The following MAMLD1 variants were observed in gnomAD, a reference collection of about 807,000 sequenced individuals.
MAMLD1 encodes the protein mastermind like domain containing 1, also known as mastermind-like domain-containing protein 1.
In MAMLD1, 14 loss-of-function variants were observed where a neutral mutation model predicts 45.0. That is an observed-to-expected ratio of 0.31 (90% CI 0.21 to 0.49). The LOEUF (loss-of-function observed/expected upper bound fraction) is 0.49. Among genes scored for constraint, MAMLD1 ranks in the 20% least tolerant of loss-of-function variants. The pLI, the probability that MAMLD1 is intolerant of heterozygous loss-of-function variation, is 0.99. For synonymous variants in MAMLD1, 254 were observed against 247.8 expected, an observed-to-expected ratio of 1.02 and a Z score of -0.24; for missense variants, 543 against 603.6, an observed-to-expected ratio of 0.90 and a Z score of 1.05.
chrX:150,475,912 G>A (rs1250346752), intron 5 of MAMLD1, among the ~76,000 whole-genome samples: 1 of 111,973 alleles, frequency 8.9e-6, no homozygotes, highest in Non-Finnish European at 1.9e-5. Flanking sequence ...GAACATTTGG[G>A]ACTTTGGGAA....
chrX:150,365,301 C>A (rs2031333884), intron 1 of MAMLD1, among the ~76,000 whole-genome samples: 1 of 111,661 alleles, frequency 9.0e-6, no homozygotes, highest in Admixed American at 9.3e-5. Context: ...GTTTCGAGGA[C>A]CCTCTGTGGG....
Position 150,491,463 on chromosome X carries a change from G to A in MAMLD1, c.2041-11811G>A, listed in dbSNP as rs181478285. 7.6e-3 allele frequency among the ~76,000 whole-genome samples: 854 copies of A among 112,260 alleles called. 6 individuals are homozygous for A. Among genetic ancestry groups the A allele is most frequent in the Middle Eastern group, 0.023 (5 of 214 alleles). ...GCCCTCCAAATTCTCTGGAAGAATA[G>A]CCTCCTCTCCTGTGCCAGTGTGTGA... On this transcript the variant is annotated intron_variant, in intron 5 of 7. Transcript: ENST00000370401.
intron 2 of MAMLD1, 41 bp downstream of exon 2, chrX:150,445,653 T>C: frequency 1.0e-6 from 1 of 993,991 alleles, no homozygotes; most frequent in Non-Finnish European, 1.4e-6. Context: ...TATTTAATGC[T>C]TCTAATCTTA....
At chrX:150,487,495 C>T (rs1017504086) in intron 5 of MAMLD1, among the ~76,000 whole-genome samples, 8 of 112,481 alleles carry the variant, frequency 7.1e-5, no homozygotes, top group African/African-American at 2.6e-4. Context: ...TTCCACGTGA[C>T]TGCAGAAAGC....
At chrX:150,482,090 CAA>C (rs1351895363) in intron 5 of MAMLD1, among the ~76,000 whole-genome samples, 2 of 111,003 alleles carry the variant, frequency 1.8e-5, no homozygotes, top group African/African-American at 6.5e-5. Flanking sequence ...TCACAATAGT[CAA>C]AAGAGAGAGA....
chrX:150,404,135 C>T (rs2033941880), intron 1 of MAMLD1, among the ~76,000 whole-genome samples: 1 of 109,758 alleles, frequency 9.1e-6, no homozygotes, highest in Non-Finnish European at 1.9e-5. Flanking sequence ...ACAGGCAGCC[C>T]ACATGGCAAA....
At chrX:150,404,119 G>T (rs999569186) in intron 1 of MAMLD1, among the ~76,000 whole-genome samples, 11 of 108,884 alleles carry the variant, frequency 1.0e-4, no homozygotes, top group African/African-American at 3.4e-4. Flanking sequence ...CCTTCTGAGA[G>T]CCACCACAGG....
At chrX:150,488,495 A>G (rs1375767189) in intron 5 of MAMLD1, among the ~76,000 whole-genome samples, 2 of 112,994 alleles carry the variant, frequency 1.8e-5, no homozygotes, top group African/African-American at 6.4e-5. Context: ...GTTTATCACC[A>G]TTGCTATAAT....
chrX:150,454,957 C>T (rs1194111452), intron 2 of MAMLD1, among the ~76,000 whole-genome samples: 1 of 111,602 alleles, frequency 9.0e-6, no homozygotes, highest in Non-Finnish European at 1.9e-5. Flanking sequence ...TGATTACTAT[C>T]GCCATCCCCT....
chrX:150,402,841 A>G (rs2033836034), intron 1 of MAMLD1, among the ~76,000 whole-genome samples: 3 of 110,505 alleles, frequency 2.7e-5, no homozygotes, highest in African/African-American at 9.9e-5. Flanking sequence ...CAAACACCGT[A>G]TGTTCTCACT....
At chrX:150,448,674 G>T (rs1557404908) in intron 2 of MAMLD1, among the ~76,000 whole-genome samples, 1 of 112,313 alleles carries the variant, frequency 8.9e-6, no homozygotes, top group African/African-American at 3.2e-5. Context: ...TTAGTGTATG[G>T]AGTTTTAACA....
chrX:150,476,090 G>A (rs2036574915), intron 5 of MAMLD1, among the ~76,000 whole-genome samples: 1 of 111,755 alleles, frequency 8.9e-6, no homozygotes, highest in Non-Finnish European at 1.9e-5. Flanking sequence ...GGCTTTCAGA[G>A]CTTCTTGGAC....
intron 1 of MAMLD1, among the ~76,000 whole-genome samples, chrX:150,372,102 A>G (rs1406815643): frequency 8.9e-6 from 1 of 112,031 alleles, no homozygotes; most frequent in Non-Finnish European, 1.9e-5. Context: ...AATGCAGCCA[A>G]TGGAGGGGGA....
At chrX:150,402,367 A>G (rs1255024043) in intron 1 of MAMLD1, among the ~76,000 whole-genome samples, 1 of 107,230 alleles carries the variant, frequency 9.3e-6, no homozygotes, top group Non-Finnish European at 1.9e-5. Flanking sequence ...CAAAACCACA[A>G]TGAGATACCA....
chrX:150,401,844 G>A (rs2033782065), intron 1 of MAMLD1, among the ~76,000 whole-genome samples: 1 of 110,379 alleles, frequency 9.1e-6, no homozygotes, highest in Middle Eastern at 4.7e-3. Flanking sequence ...TTAATAAATG[G>A]TGCTGGGAAA....
chrX:150,362,431 CCTCCTCTCCTCTCCT>C (rs781903483), upstream of MAMLD1, among the ~76,000 whole-genome samples: 2 of 108,683 alleles, frequency 1.8e-5, no homozygotes, highest in African/African-American at 6.7e-5. Context: ...CTCCTTATTT[CCTCCTCTCCTCTCCT>C]CTCCTCTCAT....
At chrX:150,504,429 T>C (rs1557408728) in intron 6 of MAMLD1, 1 of 752,007 alleles carries the variant, frequency 1.3e-6, no homozygotes, top group Non-Finnish European at 1.6e-6. Flanking sequence ...TACAGCCTTG[T>C]TCTCTTTATC....
intron 2 of MAMLD1, among the ~76,000 whole-genome samples, chrX:150,457,503 G>A (rs1170573952): frequency 8.9e-6 from 1 of 112,429 alleles, no homozygotes; most frequent in Non-Finnish European, 1.9e-5. Context: ...GAAAACAAGT[G>A]TTCAACAAAA....
rs1557409144 is a variant in MAMLD1 at position 150,512,051 on chromosome X, C to G, written c.*92C>G. 6 of 1,116,650 alleles carry G rather than the reference C, an allele frequency of 5.4e-6. No homozygotes were observed. Among genetic ancestry groups the G allele is most frequent in the Non-Finnish European group, 5.9e-6 (5 of 851,217 alleles). The allele number at this position is 1,116,650 out of a possible 1,213,427, so 92.0% of individuals were successfully genotyped here. ...CAAGTGTAGCCGGATCAAGGCAAGC[C>G]CCCCATCTAGCAAGCACTTGATGCC... On this transcript the variant is annotated 3_prime_UTR_variant, in exon 8 of 8. Coordinates refer to ENST00000370401, the MANE Select transcript of MAMLD1 (RefSeq NM_005491.5).
Sources: gnomAD v4.1 joint callset for allele counts (sites outside exome capture counted in the v4.1 genomes callset) on GRCh38, gnomAD v4.1.1 for gene constraint, MANE v1.5 for transcripts, NCBI Gene and HGNC (gene_info 2026-07-23, HGNC 2026-07-21) for gene names.